SCMH1: variants seen among roughly 807,000 people sequenced by gnomAD.
SCMH1 encodes polycomb protein SCMH1.
A neutral mutation model predicts 70.8 loss-of-function variants in SCMH1; 37 were observed. The ratio of observed to expected loss-of-function variants is 0.52; its 90% CI spans 0.40 to 0.69. SCMH1 has a LOEUF of 0.69. Ranked by LOEUF, SCMH1 falls within the 30% of genes least tolerant of loss-of-function variation. The pLI is 0.00. For synonymous variants in SCMH1, 292 were observed against 307.4 expected, an observed-to-expected ratio of 0.95 and a Z score of 0.52; for missense variants, 607 against 827.3, an observed-to-expected ratio of 0.73 and a Z score of 3.27.
Position 41,171,875 on chromosome 1 carries a change from T to G in SCMH1, c.14-10443A>C, listed in dbSNP as rs568334100. Among the ~76,000 whole-genome samples, 58 of 152,166 alleles carry G rather than the reference T, an allele frequency of 3.8e-4. 1 individual carries two copies. Among genetic ancestry groups the G allele is most frequent in the Non-Finnish European group, 6.0e-4 (41 of 67,974 alleles). On this transcript the variant is annotated intron_variant, in intron 2 of 14. Coordinates refer to ENST00000337495, the Ensembl canonical transcript of SCMH1. Reference sequence around the variant, plus strand: ...TAGAAACGTAACATACCCAAACCTATGGGATACAGCAAAAGCAATATTAAG... The same window carrying G: ...TAGAAACGTAACATACCCAAACCTAGGGGATACAGCAAAAGCAATATTAAG...
At chr1:41,146,176 A>T (rs1644539818) in intron 5 of SCMH1, among the ~76,000 whole-genome samples, 1 of 151,958 alleles carries the variant, frequency 6.6e-6, no homozygotes, top group African/African-American at 2.4e-5. Context: ...GTGTAGGCCT[A>T]GGGTAATGTC....
chr1:41,102,468 C>T (rs1666865740), intron 8 of SCMH1, among the ~76,000 whole-genome samples: 1 of 152,192 alleles, frequency 6.6e-6, no homozygotes, highest in Non-Finnish European at 1.5e-5. Context: ...CTGCTCTGAT[C>T]CAGCTCAGTT....
intron 10 of SCMH1, among the ~76,000 whole-genome samples, chr1:41,068,685 C>T (rs12024115): frequency 0.12 from 17,847 of 152,072 alleles, 1,437 homozygotes; most frequent in East Asian, 0.28. Context: ...GGATTACAGG[C>T]GTGAGCCACC....
At chr1:41,033,910 A>C (rs1272124456) in intron 13 of SCMH1, 73 bp downstream of exon 14, 1 of 1,604,664 alleles carries the variant, frequency 6.2e-7, no homozygotes, top group African/African-American at 1.3e-5. Context: ...CCAGGAGGGC[A>C]GCCTATCACA....
intron 4 of SCMH1, among the ~76,000 whole-genome samples, chr1:41,154,472 G>T (rs915510986): frequency 6.6e-6 from 1 of 152,158 alleles, no homozygotes; most frequent in Non-Finnish European, 1.5e-5. Flanking sequence ...ATTGTATATA[G>T]ATTCTTCATT....
intron 3 of SCMH1, among the ~76,000 whole-genome samples, 158 bp from the exon 4 acceptor site, chr1:41,161,056 C>A (rs542906031): frequency 6.6e-6 from 1 of 152,300 alleles, no homozygotes; most frequent in South Asian, 2.1e-4. Flanking sequence ...ATTGTGGAAG[C>A]ACACCACCCA....
At chr1:41,138,741 T>C (rs1345669573) in intron 6 of SCMH1, among the ~76,000 whole-genome samples, 1 of 152,224 alleles carries the variant, frequency 6.6e-6, no homozygotes, top group African/African-American at 2.4e-5. Flanking sequence ...CCAAGACTTG[T>C]TTAACTCAAG....
exon 14 of SCMH1, chr1:41,028,612 C>T: frequency 6.2e-7 from 1 of 1,614,174 alleles, no homozygotes; most frequent in Non-Finnish European, 8.5e-7. Context: ...AGCGTGGGGT[C>T]CAAGCTGAGG....
In SCMH1 at chr1:41,117,931, T is replaced by C. The variant is rs183423181; in HGVS notation, c.413-921A>G. 5.4e-4 allele frequency among the ~76,000 whole-genome samples: 82 copies of C among 152,122 alleles called. No individual in the cohort carries two copies. In the East Asian group the frequency reaches 0.01, roughly 19 times the overall value. On this transcript the variant is annotated intron_variant, in intron 6 of 14. Transcript: ENST00000337495. ...GCAGCCTGGCATTCAGGGCCACTAC[T>C]GGTCTCTGTGTCTTGGTGGCAGTGG...
intron 8 of SCMH1, among the ~76,000 whole-genome samples, chr1:41,107,644 C>T (rs1443185301): frequency 6.6e-6 from 1 of 152,208 alleles, no homozygotes; most frequent in Middle Eastern, 3.4e-3. Flanking sequence ...CTCAGCCTCC[C>T]GAGTAGCTGG....
At chr1:41,106,112 T>C (rs567323794) in intron 8 of SCMH1, among the ~76,000 whole-genome samples, 1 of 151,888 alleles carries the variant, frequency 6.6e-6, no homozygotes, top group East Asian at 1.9e-4. Context: ...TGACCTCAGG[T>C]GATCTGCCCG....
intron 1 of SCMH1, among the ~76,000 whole-genome samples, chr1:41,210,440 A>T (rs1259920002): frequency 6.6e-6 from 1 of 152,196 alleles, no homozygotes; most frequent in Non-Finnish European, 1.5e-5. Flanking sequence ...GAGGCATCAC[A>T]CTACCTGACT....
At chr1:41,082,970 T>A (rs1458531410) in intron 8 of SCMH1, among the ~76,000 whole-genome samples, 1 of 152,204 alleles carries the variant, frequency 6.6e-6, no homozygotes, top group Non-Finnish European at 1.5e-5. Context: ...TGATGGGACA[T>A]ATCTCAAAAT....
chr1:41,062,891 C>T (rs977288264), intron 10 of SCMH1, among the ~76,000 whole-genome samples: 10 of 146,374 alleles, frequency 6.8e-5, no homozygotes, highest in Admixed American at 2.0e-4. Flanking sequence ...TGCACTCCAG[C>T]CTGGGTGACA....
intron 6 of SCMH1, among the ~76,000 whole-genome samples, chr1:41,134,695 C>T (rs1642987249): frequency 6.6e-6 from 1 of 152,122 alleles, no homozygotes; most frequent in Non-Finnish European, 1.5e-5. Flanking sequence ...GCTTTTTGGT[C>T]AGGTTTTTCA....
intron 6 of SCMH1, among the ~76,000 whole-genome samples, chr1:41,131,988 A>G (rs1642394321): frequency 6.6e-6 from 1 of 152,204 alleles, no homozygotes; most frequent in African/African-American, 2.4e-5. Context: ...TGCTATTGTG[A>G]ATAGTGCTGC....
At chr1:41,103,559 A>G (rs1572142140) in intron 8 of SCMH1, among the ~76,000 whole-genome samples, 2 of 152,250 alleles carry the variant, frequency 1.3e-5, no homozygotes, top group East Asian at 3.8e-4. Flanking sequence ...TGATGCTGGC[A>G]CAGTGGGTGT....
At chr1:41,059,861 C>A (rs1372385679) in intron 10 of SCMH1, among the ~76,000 whole-genome samples, 1 of 152,108 alleles carries the variant, frequency 6.6e-6, no homozygotes, top group Non-Finnish European at 1.5e-5. Flanking sequence ...ACAAGCCACA[C>A]CCCTATTGCA....
chr1:41,196,389 C>T (rs918894848), intron 1 of SCMH1, among the ~76,000 whole-genome samples: 2 of 152,016 alleles, frequency 1.3e-5, no homozygotes, highest in African/African-American at 4.8e-5. Flanking sequence ...TGTAATAGAA[C>T]AGAGAGCTCA....
Sources: allele counts gnomAD v4.1 joint callset (sites outside exome capture counted in the v4.1 genomes callset), GRCh38; gene constraint gnomAD v4.1.1; transcripts MANE v1.5; gene names NCBI Gene and HGNC (gene_info 2026-07-23, HGNC 2026-07-21).